KLF17: variants seen among roughly 807,000 people sequenced by gnomAD.
KLF17 encodes Krueppel-like factor 17.
Under a neutral mutation model 34.2 loss-of-function variants are expected in KLF17, and 31 were observed. The ratio of observed to expected loss-of-function variants is 0.91; its 90% CI spans 0.68 to 1.22. The LOEUF is 1.22. Among genes scored for constraint, KLF17 ranks in the 50% most tolerant of loss-of-function variants. KLF17 has a pLI of 0.00. For synonymous variants in KLF17, 179 were observed against 186.7 expected, an observed-to-expected ratio of 0.96 and a Z score of 0.34; for missense variants, 478 against 505.2, an observed-to-expected ratio of 0.95 and a Z score of 0.52.
the KLF17 span, among the ~76,000 whole-genome samples, chr1:44,092,225 C>A: frequency 6.6e-6 from 1 of 151,852 alleles, no homozygotes; most frequent in South Asian, 2.1e-4. Context: ...GCCTGTAATC[C>A]CAGCTACTCG....
chr1:44,068,368 G>T, the KLF17 span, among the ~76,000 whole-genome samples: 1 of 152,124 alleles, frequency 6.6e-6, no homozygotes, highest in Non-Finnish European at 1.5e-5. Context: ...ACTTCACCTT[G>T]AGGCCCCTCT....
At chr1:44,094,700 T>C in the KLF17 span, among the ~76,000 whole-genome samples, 6 of 152,176 alleles carry the variant, frequency 3.9e-5, no homozygotes, top group African/African-American at 1.4e-4. Flanking sequence ...CACTGGGCAA[T>C]GTGTCTGTTT....
chr1:44,064,243 A>G, the KLF17 span, among the ~76,000 whole-genome samples: 1 of 152,220 alleles, frequency 6.6e-6, no homozygotes, highest in African/African-American at 2.4e-5. Context: ...TTACTGTGGA[A>G]AGATTCTTAA....
the KLF17 span, among the ~76,000 whole-genome samples, chr1:44,101,769 G>A: frequency 0.32 from 49,153 of 151,868 alleles, 8,058 homozygotes; most frequent in South Asian, 0.38. Context: ...GCTCATGCCT[G>A]TAATCCCAGC....
the KLF17 span, among the ~76,000 whole-genome samples, chr1:44,086,256 C>A: frequency 1.3e-5 from 2 of 152,178 alleles, no homozygotes. Flanking sequence ...CACCTGAGAT[C>A]GGGAGTTTGT....
At chr1:44,110,645 G>T in the KLF17 span, 2 of 152,160 alleles carry the variant, frequency 1.3e-5, no homozygotes, top group Non-Finnish European at 2.9e-5. Flanking sequence ...GATGAGCCGA[G>T]ATCACGCCAT....
the KLF17 span, chr1:44,048,097 A>T: frequency 6.6e-6 from 1 of 152,120 alleles, no homozygotes; most frequent in Non-Finnish European, 1.5e-5. Flanking sequence ...TTCACCATGC[A>T]GAAGTCAAGG....
chr1:44,122,131 GA>G, intron 1 of KLF17: 1 of 1,426,066 alleles, frequency 7.0e-7, no homozygotes, highest in Non-Finnish European at 9.8e-7. Context: ...GTATGACTTT[GA>G]AACAGTAATC....
rs753186472 is a variant in KLF17, at chr1:44,129,554, G to T, written c.283G>T (p.Glu95Ter). 6.2e-7 allele frequency: 1 copy of T among 1,613,876 alleles called. No individual in the cohort carries two copies. The highest frequency in any genetic ancestry group is 1.1e-5 in the South Asian group (1 of 91,002). Residue 95 changes from glutamate (E) to a stop codon, truncating the protein, a stop_gained, in exon 2 of 4, where the codon GAG becomes TAG. Transcript: ENST00000372299. LOFTEE classifies it high-confidence loss of function. Reference sequence around the variant, plus strand: ...GCCACAGTTCAGTATGCCACTGCCTGAGCGTGGTATGAGCTACTGCCCCCA... The same window carrying T: ...GCCACAGTTCAGTATGCCACTGCCTTAGCGTGGTATGAGCTACTGCCCCCA... The part of the protein sequence containing the change: ...GGPQFSMPLP[E>*]RGMSYCPQAT...
At chr1:44,102,442 G>T in the KLF17 span, among the ~76,000 whole-genome samples, 1 of 151,778 alleles carries the variant, frequency 6.6e-6, no homozygotes, top group Non-Finnish European at 1.5e-5. Context: ...AATCCTAGCT[G>T]CTCAGGAGGC....
At chr1:44,067,316 T>C in the KLF17 span, among the ~76,000 whole-genome samples, 1 of 152,178 alleles carries the variant, frequency 6.6e-6, no homozygotes, top group African/African-American at 2.4e-5. Flanking sequence ...GAAAGGGATG[T>C]ATCACAAGGT....
At chr1:44,128,452 C>CTTAA (rs1435037468) in intron 1 of KLF17, among the ~76,000 whole-genome samples, 1 of 152,190 alleles carries the variant, frequency 6.6e-6, no homozygotes, top group Admixed American at 6.5e-5. Context: ...ATTAAGGAAA[C>CTTAA]TGCCCCTGAC....
rs2154311578 is a variant in KLF17 at position 44,125,719 on chromosome 1, C to T, written c.82-3634C>T. On this transcript the variant is annotated intron_variant, in intron 1 of 3. Transcript: ENST00000372299. ...CTGACCTCAAGAGATCCACCTGCTTCAGCCTCCCAAAGTGTTGGAATTACA... is the reference window on the plus strand; with the variant it reads ...CTGACCTCAAGAGATCCACCTGCTTTAGCCTCCCAAAGTGTTGGAATTACA... 5.3e-5 allele frequency among the ~76,000 whole-genome samples: 8 copies of T among 152,344 alleles called. 1 individual carries two copies. In the South Asian group the frequency reaches 1.7e-3, roughly 32 times the overall value.
At chr1:44,104,458 T>G in the KLF17 span, 1 of 801,696 alleles carries the variant, frequency 1.2e-6, no homozygotes, top group African/African-American at 1.7e-5. Context: ...ACCTTGTCGA[T>G]GAAGGAGGCA....
rs1248538242 is a variant in KLF17 at position 44,127,682 on chromosome 1, CTT to C, written c.82-1669_82-1668del. Among the ~76,000 whole-genome samples, 8 of 50,296 alleles carry C rather than the reference CTT, an allele frequency of 1.6e-4. 1 individual carries two copies. Among genetic ancestry groups the C allele is most frequent in the African/African-American group, 5.5e-4 (8 of 14,440 alleles). The allele number at this position is 50,296 out of a possible 152,430, so 33.0% of individuals were successfully genotyped here. A position where few individuals can be genotyped will look rare whatever the true frequency, so the allele number is the denominator to read the frequency against. On this transcript the variant is annotated intron_variant, in intron 1 of 3. Transcript: ENST00000372299. ...TCTTTCTTTCTTTCTTTCTTTCTTT[CTT>C]TCTTTCTTTTTCTTTCTTTCTTTCT...
At chr1:44,120,488 G>A (rs2087933753) in intron 1 of KLF17, among the ~76,000 whole-genome samples, 1 of 152,206 alleles carries the variant, frequency 6.6e-6, no homozygotes, top group Admixed American at 6.5e-5. Context: ...GAAGGGTGTG[G>A]CCAGTGGTCG....
At chr1:44,067,682 G>A in the KLF17 span, among the ~76,000 whole-genome samples, 1 of 152,210 alleles carries the variant, frequency 6.6e-6, no homozygotes, top group African/African-American at 2.4e-5. Context: ...TCCTGAAGGA[G>A]TTGACTGCAT....
chr1:44,069,423 C>T, the KLF17 span, among the ~76,000 whole-genome samples: 1 of 150,074 alleles, frequency 6.7e-6, no homozygotes, highest in Admixed American at 6.7e-5. The surrounding 1 kb of genome is among the most constrained non-coding windows in gnomAD (Gnocchi z 4.7). Flanking sequence ...CCTCAGGGAG[C>T]TTACAACTGC....
At chr1:44,115,472 AC>A (rs2087871620), upstream of KLF17, 35 of 138,278 alleles carry the variant, frequency 2.5e-4, no homozygotes, top group Admixed American at 5.8e-4. Flanking sequence ...AAAAAAAAAA[AC>A]CAAAACAAAA....
Sources: gnomAD v4.1 joint callset for allele counts (sites outside exome capture counted in the v4.1 genomes callset) on GRCh38, gnomAD v4.1.1 for gene constraint, Gnocchi (gnomAD v3.1) non-coding constraint, MANE v1.5 for transcripts, NCBI Gene and HGNC (gene_info 2026-07-23, HGNC 2026-07-21) for gene names.